HRK: variants seen among roughly 807,000 people sequenced by gnomAD.
The protein encoded by HRK is harakiri, BCL2 interacting protein.
Under a neutral mutation model 5.9 loss-of-function variants are expected in HRK, and 6 were observed. The observed-to-expected ratio is 1.02, with a 90% CI of 0.56 to 2.01. HRK has a LOEUF of 2.01. Among genes scored for constraint, HRK ranks in the 30% most tolerant of loss-of-function variants. HRK has a pLI of 0.00. For missense variants in HRK, 133 were observed against 128.3 expected (o/e 1.04, Z -0.18); for synonymous variants, 85 against 65.1 (o/e 1.31, Z -1.47).
rs1379266538 is a variant in HRK, at chr12:116,878,852, G to A, written c.*56+2124C>T. 6.6e-6 allele frequency among the ~76,000 whole-genome samples: 1 copy of A among 152,226 alleles called. No individual in the cohort carries two copies. Among genetic ancestry groups the A allele is most frequent in the Non-Finnish European group, 1.5e-5 (1 of 68,030 alleles). ...GAAGTAACTCTGGGGTAGAAGGCGA[G>A]GGCGGGGCGGGGGAAATAAACTCCA... On this transcript the variant is annotated intron_variant, in intron 1 of 1. Transcript: ENST00000257572. This position sits in a 1 kb window ranked among gnomAD's most constrained non-coding sequence, Gnocchi z 4.4.
intron 1 of HRK, among the ~76,000 whole-genome samples, chr12:116,874,629 A>G (rs1473604206): frequency 1.3e-5 from 2 of 152,140 alleles, no homozygotes; most frequent in African/African-American, 4.8e-5. Flanking sequence ...TTGAATCTGT[A>G]TCAGCTTGTG....
chr12:116,866,596 T>C lies in HRK; in HGVS notation c.*57-5130A>G, dbSNP rs1224990917. 2.0e-5 allele frequency among the ~76,000 whole-genome samples: 3 copies of C among 152,172 alleles called. No individual in the cohort carries two copies. In the East Asian group the frequency reaches 5.8e-4, roughly 29 times the overall value. ...GATGTGTGAGGAAGGAAGAGGCCAT[T>C]TGGCAGCCTCTGGAAGAAGTATTTG... is the stretch of plus-strand genomic sequence containing the variant. On this transcript the variant is annotated intron_variant, in intron 1 of 1. Coordinates refer to ENST00000257572, the MANE Select transcript of HRK (RefSeq NM_003806.4).
chr12:116,867,332 T>TG (rs1337579666), intron 1 of HRK, among the ~76,000 whole-genome samples: 2 of 151,652 alleles, frequency 1.3e-5, no homozygotes, highest in East Asian at 3.9e-4. Flanking sequence ...TTAGTAGAGA[T>TG]GGGGTTTCAC....
intron 1 of HRK, among the ~76,000 whole-genome samples, chr12:116,877,285 G>A (rs11068220): frequency 0.28 from 42,128 of 151,090 alleles, 6,322 homozygotes; most frequent in African/African-American, 0.41. Context: ...TGAACTCCTG[G>A]GCTCAAGTGA....
Position 116,879,009 on chromosome 12 carries a change from T to C in HRK, c.*56+1967A>G, listed in dbSNP as rs1356956945. 4 of 152,220 alleles carry C rather than the reference T, an allele frequency of 2.6e-5. No homozygotes were observed. In the East Asian group the frequency reaches 7.7e-4, roughly 29 times the overall value. The allele number at this position is 152,220 out of a possible 1,614,324, so 9.4% of individuals were successfully genotyped here. On this transcript the variant is annotated intron_variant, in intron 1 of 1. Transcript: ENST00000257572. This position sits in a 1 kb window ranked among gnomAD's most constrained non-coding sequence, Gnocchi z 5.6. ...TGCGCTCCGGCGCAGAGCGGCGCAATCTGCCCGCCCCGCCCGCAGCCTCCC... is the reference window on the plus strand; with the variant it reads ...TGCGCTCCGGCGCAGAGCGGCGCAACCTGCCCGCCCCGCCCGCAGCCTCCC...
At chr12:116,868,456 T>C (rs924562950) in intron 1 of HRK, among the ~76,000 whole-genome samples, 1 of 152,196 alleles carries the variant, frequency 6.6e-6, no homozygotes, top group Non-Finnish European at 1.5e-5. Context: ...ATCTGTACAA[T>C]GACGGAGATG....
At chr12:116,863,149 G>A (rs1878424693) in intron 1 of HRK, among the ~76,000 whole-genome samples, 1 of 152,200 alleles carries the variant, frequency 6.6e-6, no homozygotes, top group South Asian at 2.1e-4. Context: ...CACACCAAGT[G>A]ATATAGGAGA....
In HRK at chr12:116,881,035, C is replaced by T. The variant is rs766977023; in HGVS notation, c.273G>A (p.Leu91=). The T allele has an allele frequency of 1.4e-5, 19 of 1,348,578 alleles. No homozygotes were observed. The East Asian group carries it at 5.3e-4, about 37-fold the overall frequency. The allele number at this position is 1,348,578 out of a possible 1,614,324, so 83.5% of individuals were successfully genotyped here. A position where few individuals can be genotyped will look rare whatever the true frequency, so the allele number is the denominator to read the frequency against. ...CCCACCAAGAAGCCCCGCGTTCCTA[C>T]AAGTTCCGCCTGCCGAGCAGCCAGG... ...LAAWLLGRRN[L] is the part of the protein sequence containing the mutation. The change falls in exon 1 of 2, where the codon TTG becomes TTA. Residue 91 remains leucine (L), a synonymous_variant. Transcript: ENST00000257572.
chr12:116,881,000 C>T lies in HRK; in HGVS notation c.*32G>A, dbSNP rs927595448. On this transcript the variant is annotated 3_prime_UTR_variant, in exon 1 of 2. Transcript: ENST00000257572. ...CCTGTTGCTCGCTCCGGCTGGGTCT[C>T]GGCTCCGGCCCCACCAAGAAGCCCC... The T allele has an allele frequency of 3.0e-5, 39 of 1,289,158 alleles. No homozygotes were observed. Among genetic ancestry groups the T allele is most frequent in the African/African-American group, 4.7e-5 (3 of 64,236 alleles). 79.9% of individuals were successfully genotyped at this position (1,289,158 alleles called of 1,614,324 possible).
chr12:116,876,016 C>T (rs1878913720), intron 1 of HRK, among the ~76,000 whole-genome samples: 2 of 152,088 alleles, frequency 1.3e-5, no homozygotes, highest in Non-Finnish European at 2.9e-5. Context: ...CCCCTCCCCA[C>T]CTCTCGTTAT....
Position 116,881,168 on chromosome 12 carries a change from C to T in HRK, c.140G>A (p.Arg47His). 1.7e-6 allele frequency: 2 copies of T among 1,172,048 alleles called. No homozygotes were observed. The highest frequency in any genetic ancestry group is 2.1e-6 in the Non-Finnish European group (2 of 951,776). The allele number at this position is 1,172,048 out of a possible 1,614,324, so 72.6% of individuals were successfully genotyped here. A position where few individuals can be genotyped will look rare whatever the true frequency, so the allele number is the denominator to read the frequency against. Residue 47 changes from arginine to histidine, a missense_variant, in exon 1 of 2, where the codon CGC (arginine) becomes CAC (histidine). Arg to His is a conservative substitution (Grantham distance 29). Coordinates refer to ENST00000257572, the MANE Select transcript of HRK (RefSeq NM_003806.4). ...LKALGDELHQRTMWRRRARSR... is the reference protein window; with the variant it reads ...LKALGDELHQHTMWRRRARSR... ...CCGCGCGCGGCGCCGCCACATGGTG[C>T]GCTGGTGCAGCTCGTCGCCTAGCGC...
intron 1 of HRK, among the ~76,000 whole-genome samples, chr12:116,866,425 C>A (rs114957319): frequency 0.011 from 1,713 of 151,134 alleles, 31 homozygotes; most frequent in African/African-American, 0.039. Flanking sequence ...GGAGGAGAAG[C>A]TCTCCATGCA....
In HRK at chr12:116,877,090, G is replaced by A. The variant is rs145136287; in HGVS notation, c.*56+3886C>T. Among the ~76,000 whole-genome samples, 42 of 152,234 alleles carry A rather than the reference G, an allele frequency of 2.8e-4. No individual in the cohort carries two copies. In the East Asian group the frequency reaches 4.1e-3, roughly 15 times the overall value. On this transcript the variant is annotated intron_variant, in intron 1 of 1. Transcript: ENST00000257572. ...TTTGAGACAAGAGTCTCACTTTGTC[G>A]CCTAGGCTGGAGTGCAATAGTGCGA...
chr12:116,858,822 T>C lies in HRK; in HGVS notation c.*2701A>G, dbSNP rs539700693. The stretch of plus-strand genomic sequence containing the variant: ...CAGCACTTTGCACACTGTGGAAATA[T>C]TTTTTAAAAAACAAGAACCACCCCA... On this transcript the variant is annotated 3_prime_UTR_variant, in exon 2 of 2. Transcript: ENST00000257572. The C allele has an allele frequency of 1.0e-4, 9 of 90,066 alleles. No individual in the cohort carries two copies. The highest frequency in any genetic ancestry group is 2.3e-4 in the African/African-American group (9 of 39,614). 5.6% of individuals were successfully genotyped at this position (90,066 alleles called of 1,614,324 possible). A position where few individuals can be genotyped will look rare whatever the true frequency, so the allele number is the denominator to read the frequency against.
rs548909521 is a variant in HRK at position 116,862,679 on chromosome 12, T to G, written c.*57-1213A>C. On this transcript the variant is annotated intron_variant, in intron 1 of 1. Coordinates refer to ENST00000257572, the MANE Select transcript of HRK (RefSeq NM_003806.4). The surrounding 1 kb of genome is among the most constrained non-coding windows in gnomAD (Gnocchi z 4.0). ...AAATTCTATGTATACTCCTCATCAT[T>G]GACTTGTACACCTTAAAAAGGTAGG... 2.6e-5 allele frequency among the ~76,000 whole-genome samples: 4 copies of G among 152,286 alleles called. No homozygotes were observed. In the South Asian group the frequency reaches 8.3e-4, roughly 32 times the overall value.
chr12:116,858,574 T>TCACACACACA lies in HRK; in HGVS notation c.*2939_*2948dup, dbSNP rs55713149. The stretch of plus-strand genomic sequence containing the variant: ...CAGAGGCCTCCCTCTGCTTGTACGG[T>TCACACACACA]CACACACACACACACACACACACAC... On this transcript the variant is annotated 3_prime_UTR_variant, in exon 2 of 2. Coordinates refer to ENST00000257572, the MANE Select transcript of HRK (RefSeq NM_003806.4). 2.9e-4 allele frequency: 35 copies of TCACACACACA among 121,282 alleles called. No individual in the cohort carries two copies. The highest frequency in any genetic ancestry group is 8.9e-4 in the African/African-American group (30 of 33,536). 7.5% of individuals were successfully genotyped at this position (121,282 alleles called of 1,614,324 possible).
At position 116,878,649 on chromosome 12, in the gene HRK, C is replaced by G. The variant is rs1185446955; in HGVS notation, c.*56+2327G>C. ...GTGGTGAGCAATTCTACGGGTGTCC[C>G]GAGGGTATGAGGGGCGGTGCTGCTG... On this transcript the variant is annotated intron_variant, in intron 1 of 1. Coordinates refer to ENST00000257572, the MANE Select transcript of HRK (RefSeq NM_003806.4). This position sits in a 1 kb window ranked among gnomAD's most constrained non-coding sequence, Gnocchi z 4.4. 2.6e-5 allele frequency: 4 copies of G among 153,002 alleles called. No homozygotes were observed. Among genetic ancestry groups the G allele is most frequent in the East Asian group, 1.9e-4 (1 of 5,206 alleles). 9.5% of individuals were successfully genotyped at this position (153,002 alleles called of 1,614,324 possible).
chr12:116,867,592 G>C (rs531781907), intron 1 of HRK: 1 of 152,240 alleles, frequency 6.6e-6, no homozygotes, highest in African/African-American at 2.4e-5. Context: ...GGGTGACACA[G>C]AAAGACCCTG....
chr12:116,868,517 C>A (rs1878629249), intron 1 of HRK, among the ~76,000 whole-genome samples: 1 of 152,176 alleles, frequency 6.6e-6, no homozygotes, highest in African/African-American at 2.4e-5. Context: ...TTCCAGAACA[C>A]AGACCCTTTT....
Sources: gnomAD v4.1 joint callset for allele counts (sites outside exome capture counted in the v4.1 genomes callset) on GRCh38, gnomAD v4.1.1 for gene constraint, Gnocchi (gnomAD v3.1) non-coding constraint, MANE v1.5 for transcripts, NCBI Gene and HGNC (gene_info 2026-07-23, HGNC 2026-07-21) for gene names.